The following CSMD3 variants were observed in gnomAD, a reference collection of about 807,000 sequenced individuals.
CSMD3 encodes the protein CUB and Sushi multiple domains 3.
A neutral mutation model predicts 435.2 loss-of-function variants in CSMD3; 177 were observed. That is an observed-to-expected ratio of 0.41 (90% CI 0.36 to 0.46). The LOEUF (loss-of-function observed/expected upper bound fraction) is 0.46. Ranked by LOEUF, CSMD3 falls within the 20% of genes least tolerant of loss-of-function variation. The probability of loss-of-function intolerance (pLI) is 0.34; values close to 1 mark genes in which losing one functional copy is unlikely to be tolerated. For missense variants in CSMD3, 4,265 were observed against 4,504.6 expected (o/e 0.95, Z 1.52); for synonymous variants, 1,656 against 1,520.5 (o/e 1.09, Z -2.07).
intron 1 of CSMD3, among the ~76,000 whole-genome samples, chr8:113,363,054 T>C (rs575347183): frequency 1.4e-4 from 21 of 152,266 alleles, no homozygotes; most frequent in African/African-American, 4.8e-4. Context: ...AATAAAACCC[T>C]CTCCTCAATG....
rs758660177 is a variant in CSMD3 at position 112,556,958 on chromosome 8, G to C, written c.4043-4C>G. 4 of 1,603,462 alleles carry C rather than the reference G, an allele frequency of 2.5e-6. No homozygotes were observed. The South Asian group carries it at 3.3e-5, about 13-fold the overall frequency. On this transcript the variant is annotated splice_region_variant and splice_polypyrimidine_tract_variant and intron_variant, in intron 24 of 70. Transcript: ENST00000297405. ...TCACAGTGTGAGAGTTCAAAACCTG[G>C]GACAAAAATATAAATTGATTAAAGG...
At chr8:112,327,257 C>T (rs564906148) in intron 45 of CSMD3, among the ~76,000 whole-genome samples, 217 of 152,176 alleles carry the variant, frequency 1.4e-3, no homozygotes, top group Non-Finnish European at 2.3e-3. Flanking sequence ...AAAATATATG[C>T]TTTGGTTACT....
chr8:112,470,085 G>A (rs1271509378), intron 32 of CSMD3, among the ~76,000 whole-genome samples: 1 of 152,056 alleles, frequency 6.6e-6, no homozygotes, highest in Non-Finnish European at 1.5e-5. Flanking sequence ...AAGGTAATAC[G>A]AAGAAGTCAA....
chr8:112,234,226 T>C, intron 68 of CSMD3, 139 bp downstream of exon 68: 1 of 553,990 alleles, frequency 1.8e-6, no homozygotes. Flanking sequence ...TACTTTAGAA[T>C]ACTAAATATT....
intron 2 of CSMD3, among the ~76,000 whole-genome samples, chr8:113,284,384 C>T (rs941795717): frequency 4.6e-5 from 7 of 152,126 alleles, no homozygotes; most frequent in Admixed American, 4.6e-4. Context: ...CTTATTCACA[C>T]TAAGAATTGT....
intron 13 of CSMD3, among the ~76,000 whole-genome samples, chr8:112,783,495 G>A (rs1473811063): frequency 1.2e-4 from 15 of 121,342 alleles, no homozygotes; most frequent in African/African-American, 4.4e-4. Flanking sequence ...GAGAAGGGAG[G>A]GAGGGAGGGA....
At chr8:113,405,359 T>C (rs1327636793) in intron 1 of CSMD3, among the ~76,000 whole-genome samples, 2 of 151,560 alleles carry the variant, frequency 1.3e-5, no homozygotes, top group African/African-American at 2.4e-5. Context: ...TAACAGTATG[T>C]CTTATTTGCT....
At chr8:113,393,133 C>T (rs1032415238) in intron 1 of CSMD3, among the ~76,000 whole-genome samples, 1 of 151,930 alleles carries the variant, frequency 6.6e-6, no homozygotes, top group African/African-American at 2.4e-5. Flanking sequence ...CTCCTCTTTC[C>T]TTTCCATCTA....
chr8:112,594,121 T>C (rs1193106111), intron 22 of CSMD3, among the ~76,000 whole-genome samples: 2 of 152,032 alleles, frequency 1.3e-5, no homozygotes, highest in African/African-American at 4.8e-5. Context: ...TTCATCTCAC[T>C]AGGGAGTGCC....
intron 17 of CSMD3, among the ~76,000 whole-genome samples, chr8:112,658,151 G>C (rs1028629236): frequency 1.3e-5 from 2 of 152,088 alleles, no homozygotes; most frequent in Non-Finnish European, 2.9e-5. Context: ...TTCCAATAAA[G>C]TTTCAGTACT....
chr8:112,252,691 A>G (rs935977117), intron 63 of CSMD3, among the ~76,000 whole-genome samples: 16 of 146,622 alleles, frequency 1.1e-4, no homozygotes, highest in Admixed American at 4.1e-4. Context: ...ATATATATAT[A>G]TATATATATA....
At chr8:112,604,293 A>G (rs190108597) in intron 22 of CSMD3, among the ~76,000 whole-genome samples, 4 of 152,200 alleles carry the variant, frequency 2.6e-5, no homozygotes, top group African/African-American at 9.6e-5. Context: ...GTCATTGGCT[A>G]TTTGGGCTTT....
At chr8:112,276,594 T>A (rs376237553) in intron 59 of CSMD3, among the ~76,000 whole-genome samples, 3 of 151,906 alleles carry the variant, frequency 2.0e-5, no homozygotes, top group Non-Finnish European at 4.4e-5. Context: ...GCCTTCCTAC[T>A]GTGTGCAGTC....
chr8:113,203,975 T>C (rs568914040), intron 3 of CSMD3, among the ~76,000 whole-genome samples: 26 of 152,282 alleles, frequency 1.7e-4, no homozygotes, highest in African/African-American at 6.0e-4. Context: ...AACAAATATA[T>C]ATATTTCCTC....
chr8:112,690,272 A>C (rs562452282), intron 13 of CSMD3, among the ~76,000 whole-genome samples: 5 of 151,966 alleles, frequency 3.3e-5, no homozygotes, highest in African/African-American at 9.6e-5. Flanking sequence ...GAAGAATCTG[A>C]GGTTATCAGA....
At chr8:113,133,360 A>G (rs1386400421) in intron 4 of CSMD3, among the ~76,000 whole-genome samples, 1 of 152,152 alleles carries the variant, frequency 6.6e-6, no homozygotes, top group Non-Finnish European at 1.5e-5. Context: ...AACCACAAAG[A>G]GATATCACCT....
rs3047126 is a variant in CSMD3 at position 112,827,164 on chromosome 8, A to AATATATATATATATATAT, written c.1859+2504_1859+2521dup. 6.6e-4 allele frequency among the ~76,000 whole-genome samples: 55 copies of AATATATATATATATATAT among 82,810 alleles called. 2 individuals are homozygous for AATATATATATATATATAT. Among genetic ancestry groups the AATATATATATATATATAT allele is most frequent in the Middle Eastern group, 8.6e-3 (1 of 116 alleles). The allele number at this position is 82,810 out of a possible 152,430, so 54.3% of individuals were successfully genotyped here. On this transcript the variant is annotated intron_variant, in intron 12 of 70. Coordinates refer to ENST00000297405, the MANE Select transcript of CSMD3 (RefSeq NM_198123.2). The stretch of plus-strand genomic sequence containing the variant: ...TTCTGTATTTTACTAGGTTACCATA[A>AATATATATATATATATAT]ATATATATATATATATATATATATA...
intron 13 of CSMD3, among the ~76,000 whole-genome samples, chr8:112,764,453 G>C (rs899317372): frequency 6.6e-5 from 10 of 151,292 alleles, no homozygotes; most frequent in African/African-American, 2.4e-4. Context: ...AAGTAATTGA[G>C]TCTAATTTTA....
intron 17 of CSMD3, among the ~76,000 whole-genome samples, chr8:112,663,727 A>T (rs369006871): frequency 2.7e-4 from 41 of 152,262 alleles, no homozygotes; most frequent in African/African-American, 9.4e-4. Context: ...AAGAAAATTT[A>T]GAACAGTGTA....
Sources: allele counts gnomAD v4.1 joint callset (sites outside exome capture counted in the v4.1 genomes callset), GRCh38; gene constraint gnomAD v4.1.1; transcripts MANE v1.5; gene names NCBI Gene and HGNC (gene_info 2026-07-23, HGNC 2026-07-21).